The following IQCJ variants were observed in gnomAD, a reference collection of about 807,000 sequenced individuals.
IQCJ encodes IQ motif containing J, also known as IQ domain-containing protein J.
IQCJ carries 9 observed loss-of-function variants against 11.0 expected under a neutral mutation model. That is an observed-to-expected ratio of 0.82 (90% confidence interval 0.49 to 1.43). The LOEUF is 1.43. Among genes scored for constraint, IQCJ ranks in the 40% most tolerant of loss-of-function variants. The pLI is 0.00. For synonymous variants in IQCJ, 55 were observed against 51.3 expected (o/e 1.07, Z -0.31); for missense variants, 146 against 133.2 (o/e 1.10, Z -0.47).
intron 1 of IQCJ, among the ~76,000 whole-genome samples, chr3:159,128,183 T>C (rs1719783274): frequency 1.3e-5 from 2 of 152,184 alleles, no homozygotes; most frequent in African/African-American, 4.8e-5. Context: ...CAAAGGTAAA[T>C]GTAAAAATTC....
intron 1 of IQCJ, among the ~76,000 whole-genome samples, chr3:159,244,561 C>T (rs1171593445): frequency 6.6e-6 from 1 of 152,098 alleles, no homozygotes; most frequent in Non-Finnish European, 1.5e-5. Context: ...ACTTAGCTGT[C>T]CCAGAATAGT....
intron 1 of IQCJ, among the ~76,000 whole-genome samples, chr3:159,075,262 T>C (rs1715834226): frequency 6.6e-6 from 1 of 152,174 alleles, no homozygotes; most frequent in Non-Finnish European, 1.5e-5. Flanking sequence ...TTGCATATTC[T>C]TCCAGGCTGA....
intron 1 of IQCJ, among the ~76,000 whole-genome samples, chr3:159,157,940 C>A (rs1408623098): frequency 1.3e-5 from 2 of 152,020 alleles, no homozygotes. Flanking sequence ...TTTATTTAAC[C>A]AATTCCCTAC....
At chr3:159,087,299 G>A (rs1170673697) in intron 1 of IQCJ, among the ~76,000 whole-genome samples, 3 of 151,640 alleles carry the variant, frequency 2.0e-5, no homozygotes, top group African/African-American at 4.9e-5. Context: ...GCTTTTTGAT[G>A]TGCTGCTGGA....
intron 1 of IQCJ, among the ~76,000 whole-genome samples, chr3:159,141,921 C>G (rs1399380296): frequency 6.6e-6 from 1 of 152,176 alleles, no homozygotes; most frequent in African/African-American, 2.4e-5. Flanking sequence ...GATTACTGTA[C>G]TTGCAACTTT....
At chr3:159,091,094 C>A (rs1717245329) in intron 1 of IQCJ, among the ~76,000 whole-genome samples, 1 of 150,084 alleles carries the variant, frequency 6.7e-6, no homozygotes, top group African/African-American at 2.5e-5. Flanking sequence ...TTCTTAGGGC[C>A]TTTTTTTTTA....
intron 1 of IQCJ, among the ~76,000 whole-genome samples, chr3:159,227,132 G>A (rs546137325): frequency 1.3e-5 from 2 of 152,186 alleles, no homozygotes; most frequent in Non-Finnish European, 2.9e-5. Flanking sequence ...TTAAGTAATG[G>A]GATGCTTTCT....
intron 1 of IQCJ, among the ~76,000 whole-genome samples, chr3:159,167,554 C>T (rs1275023220): frequency 6.6e-6 from 1 of 152,134 alleles, no homozygotes; most frequent in Non-Finnish European, 1.5e-5. Context: ...ATTTGAATCT[C>T]AATCCTGGAA....
intron 1 of IQCJ, among the ~76,000 whole-genome samples, chr3:159,167,774 G>C (rs1396390843): frequency 6.6e-6 from 1 of 152,128 alleles, no homozygotes; most frequent in Non-Finnish European, 1.5e-5. Context: ...TAGCTCATTT[G>C]TATCTACAAA....
chr3:159,205,021 G>T (rs1195445256), intron 1 of IQCJ, among the ~76,000 whole-genome samples: 1 of 152,158 alleles, frequency 6.6e-6, no homozygotes, highest in African/African-American at 2.4e-5. Flanking sequence ...TCACATGTTT[G>T]TTTCCAGGTT....
At chr3:159,116,121 G>C (rs1183816548) in intron 1 of IQCJ, among the ~76,000 whole-genome samples, 1 of 152,118 alleles carries the variant, frequency 6.6e-6, no homozygotes, top group Non-Finnish European at 1.5e-5. Flanking sequence ...TGTGGTCCCA[G>C]CTACTCAGGA....
chr3:159,155,799 G>T (rs1050126176), intron 1 of IQCJ, among the ~76,000 whole-genome samples: 2 of 152,102 alleles, frequency 1.3e-5, no homozygotes, highest in Non-Finnish European at 2.9e-5. Flanking sequence ...TAGAAAAAAA[G>T]GTAATATTTT....
At chr3:159,191,304 T>C (rs557778618) in intron 1 of IQCJ, among the ~76,000 whole-genome samples, 1 of 152,148 alleles carries the variant, frequency 6.6e-6, no homozygotes, top group African/African-American at 2.4e-5. Context: ...GTTAAGATGA[T>C]GAAGATGAGG....
intron 1 of IQCJ, among the ~76,000 whole-genome samples, chr3:159,071,680 A>G (rs1156497854): frequency 6.6e-6 from 1 of 152,100 alleles, no homozygotes; most frequent in Non-Finnish European, 1.5e-5. Context: ...AAAGAAAAAC[A>G]TTCAGTGCCA....
At chr3:159,140,259 T>TA (rs1437081184) in intron 1 of IQCJ, among the ~76,000 whole-genome samples, 1 of 152,214 alleles carries the variant, frequency 6.6e-6, no homozygotes, top group Non-Finnish European at 1.5e-5. Flanking sequence ...TATAGTATCA[T>TA]ACAGCATAGT....
At position 159,162,848 on chromosome 3, in the gene IQCJ, A is replaced by G. The variant is rs568624184; in HGVS notation, c.10-82995A>G. Reference sequence around the variant, plus strand: ...AAGAAATGGATAAATTCCTTGACAAATACACCCTCCCAAGACTAAACCAGG... The same window carrying G: ...AAGAAATGGATAAATTCCTTGACAAGTACACCCTCCCAAGACTAAACCAGG... On this transcript the variant is annotated intron_variant, in intron 1 of 3. Coordinates refer to ENST00000397832, the MANE Select transcript of IQCJ (RefSeq NM_001042706.3). Among the ~76,000 whole-genome samples the G allele has an allele frequency of 1.3e-3, 198 of 152,346 alleles. 1 individual carries two copies. The highest frequency in any genetic ancestry group is 4.7e-3 in the African/African-American group (196 of 41,584).
At chr3:159,173,746 G>T (rs9861673) in intron 1 of IQCJ, among the ~76,000 whole-genome samples, 1 of 152,138 alleles carries the variant, frequency 6.6e-6, no homozygotes, top group Non-Finnish European at 1.5e-5. Context: ...TCTCCAGAAA[G>T]GCAAGAAAAG....
At chr3:159,244,123 A>T (rs947439219) in intron 1 of IQCJ, among the ~76,000 whole-genome samples, 1 of 152,216 alleles carries the variant, frequency 6.6e-6, no homozygotes, top group African/African-American at 2.4e-5. Flanking sequence ...TGAGCTTGAC[A>T]TGCTTGTCAG....
intron 1 of IQCJ, among the ~76,000 whole-genome samples, chr3:159,126,857 G>C (rs529965969): frequency 1.3e-5 from 2 of 152,304 alleles, no homozygotes; most frequent in Admixed American, 1.3e-4. Context: ...CACCACTGCA[G>C]TGCACCTGTT....
Sources: allele counts gnomAD v4.1 joint callset (sites outside exome capture counted in the v4.1 genomes callset), GRCh38; gene constraint gnomAD v4.1.1; transcripts MANE v1.5; gene names NCBI Gene and HGNC (gene_info 2026-07-23, HGNC 2026-07-21).